Variants in PREP observed in about 807,000 individuals in gnomAD.
PREP encodes dJ355L5.1 (prolyl endopeptidase).
A neutral mutation model predicts 87.6 loss-of-function variants in PREP; 29 were observed. The ratio of observed to expected loss-of-function variants is 0.33; its 90% CI spans 0.25 to 0.45. The LOEUF is 0.45. PREP is among the 20% of genes least tolerant of loss of function. The pLI, the probability that PREP is intolerant of heterozygous loss-of-function variation, is 1.00. For synonymous variants in PREP, 337 were observed against 328.6 expected, an observed-to-expected ratio of 1.03 and a Z score of -0.28; for missense variants, 695 against 886.5, an observed-to-expected ratio of 0.78 and a Z score of 2.74.
chr6:105,279,798 T>C (rs1770038903), intron 14 of PREP, among the ~76,000 whole-genome samples: 1 of 152,186 alleles, frequency 6.6e-6, no homozygotes, highest in East Asian at 1.9e-4. Context: ...TATTTAGAAC[T>C]TTCTTTGTTT....
intron 2 of PREP, among the ~76,000 whole-genome samples, chr6:105,379,095 A>G (rs984219888): frequency 2.0e-5 from 3 of 152,258 alleles, no homozygotes; most frequent in Non-Finnish European, 4.4e-5. Flanking sequence ...CAAGAAAAAT[A>G]AAACTGTTAC....
At chr6:105,333,602 A>G (rs1007647796) in intron 7 of PREP, 97 bp from the exon 8 acceptor site, 1 of 1,214,912 alleles carries the variant, frequency 8.2e-7, no homozygotes, top group Non-Finnish European at 1.2e-6. Flanking sequence ...CTTATCCTCA[A>G]AACATAAAGC....
chr6:105,390,187 C>G (rs112258402), intron 2 of PREP, among the ~76,000 whole-genome samples: 5 of 152,186 alleles, frequency 3.3e-5, no homozygotes, highest in African/African-American at 9.6e-5. Flanking sequence ...ATTGCCATAG[C>G]CTCTTAATCA....
chr6:105,333,363 T>A lies in PREP; in HGVS notation c.966A>T (p.Glu322Asp). 6.2e-7 allele frequency: 1 copy of A among 1,614,184 alleles called. No homozygotes were observed. Among genetic ancestry groups the A allele is most frequent in the Non-Finnish European group, 8.5e-7 (1 of 1,180,020 alleles). ...RVINIDFRDP[E>D]ESKWKVLVPE... ...GAACAAGTACTTTCCACTTAGACTC[T>A]TCAGGATCCCTGAAGTCAATGTTGA... The change falls in exon 8 of 15, where the codon GAA becomes GAT. Residue 322 changes from glutamate to aspartate, a missense_variant. Glu to Asp is a conservative substitution (Grantham distance 45). This residue lies in a region of PREP where 517 missense variants were observed against 620.3 expected (regional missense o/e 0.83). Transcript: ENST00000652536.
chr6:105,396,678 G>A (rs1002304552), intron 2 of PREP, among the ~76,000 whole-genome samples: 1 of 151,564 alleles, frequency 6.6e-6, no homozygotes, highest in Non-Finnish European at 1.5e-5. Context: ...ACTACCTAGA[G>A]TGCCATTTAA....
At position 105,310,470 on chromosome 6, in the gene PREP, C is replaced by T. The variant is rs370296715; in HGVS notation, c.1317+13195G>A. 2.0e-4 allele frequency among the ~76,000 whole-genome samples: 31 copies of T among 152,288 alleles called. No homozygotes were observed. In the East Asian group the frequency reaches 4.2e-3, roughly 21 times the overall value. ...CTTATCAATATCACCAATAATCCACCTTGTCAAATCCAGTAACTCCTCTTC... is the reference window on the plus strand; with the variant it reads ...CTTATCAATATCACCAATAATCCACTTTGTCAAATCCAGTAACTCCTCTTC... On this transcript the variant is annotated intron_variant, in intron 10 of 14. Transcript: ENST00000652536.
chr6:105,302,490 C>T lies in PREP; in HGVS notation c.1318-13596G>A, dbSNP rs190772140. 2.0e-3 allele frequency: 716 copies of T among 353,212 alleles called. 18 individuals are homozygous for T. The Admixed American group carries it at 0.022, about 11-fold the overall frequency. The allele number at this position is 353,212 out of a possible 1,614,324, so 21.9% of individuals were successfully genotyped here. On this transcript the variant is annotated intron_variant, in intron 10 of 14. Coordinates refer to ENST00000652536, the MANE Select transcript of PREP (RefSeq NM_002726.5). Reference sequence around the variant, plus strand: ...TGTGTACTTCTGCAGCGGGTACGGCCGCTCCTTCCGCGGCTGCTGCTTGGT... The same window carrying T: ...TGTGTACTTCTGCAGCGGGTACGGCTGCTCCTTCCGCGGCTGCTGCTTGGT...
At chr6:105,385,666 T>G (rs1772972799) in intron 2 of PREP, among the ~76,000 whole-genome samples, 1 of 152,234 alleles carries the variant, frequency 6.6e-6, no homozygotes, top group Non-Finnish European at 1.5e-5. Context: ...TCCATATTAT[T>G]TAAATGGCTC....
rs946057941 is a variant in PREP, at chr6:105,277,981, C to T, written c.*163G>A. ...CCAAGGCCTTGCTAAAAAGGAGAAG[C>T]CTAAAAAAGATAAAATTCCCACGGC... is the stretch of plus-strand genomic sequence containing the variant. On this transcript the variant is annotated 3_prime_UTR_variant, in exon 15 of 15. Transcript: ENST00000652536. 4.0e-6 allele frequency: 4 copies of T among 1,002,930 alleles called. No individual in the cohort carries two copies. In the African/African-American group the frequency reaches 4.9e-5, roughly 12 times the overall value. The allele number at this position is 1,002,930 out of a possible 1,614,324, so 62.1% of individuals were successfully genotyped here.
intron 6 of PREP, 81 bp from the exon 7 acceptor site, chr6:105,353,158 A>T (rs1772002709): frequency 1.7e-6 from 2 of 1,162,140 alleles, no homozygotes; most frequent in South Asian, 2.8e-5. Flanking sequence ...AAGTTAAAAA[A>T]TTAAGGTTAA....
chr6:105,363,860 A>G (rs1372244706), intron 6 of PREP, among the ~76,000 whole-genome samples: 1 of 152,130 alleles, frequency 6.6e-6, no homozygotes, highest in Admixed American at 6.5e-5. Flanking sequence ...GTGGTGCAAA[A>G]GGGCAGCCAG....
chr6:105,402,862 G>A lies in PREP; in HGVS notation c.30C>T (p.Tyr10=). MLSLQYPDV[Y]RDETAVQDYH... ...AGATACTTACGGCGGTCTCGTCGCG[G>A]TACACGTCGGGGTACTGAAGGGACA... The change falls in exon 1 of 15, where the codon TAC becomes TAT. Residue 10 remains tyrosine, a synonymous_variant. Transcript: ENST00000652536. The A allele has an allele frequency of 1.9e-6, 3 of 1,545,380 alleles. No individual in the cohort carries two copies. The highest frequency in any genetic ancestry group is 1.2e-5 in the South Asian group (1 of 83,584).
rs775679233 is a variant in PREP, at chr6:105,278,481, A to T, written c.1839-43T>A. On this transcript the variant is annotated intron_variant, in intron 14 of 14. Transcript: ENST00000652536. This position sits in a 1 kb window ranked among gnomAD's most constrained non-coding sequence, Gnocchi z 4.2. Reference sequence around the variant, plus strand: ...CTTTGTGAGGCTGGAGAGCAACAGTAGAGTTTTATGGCACAGGGACCTAGG... The same window carrying T: ...CTTTGTGAGGCTGGAGAGCAACAGTTGAGTTTTATGGCACAGGGACCTAGG... The T allele has an allele frequency of 6.4e-7, 1 of 1,565,456 alleles. No individual in the cohort carries two copies. The highest frequency in any genetic ancestry group is 1.2e-5 in the South Asian group (1 of 84,906).
At chr6:105,345,239 C>G (rs1180926538) in intron 7 of PREP, among the ~76,000 whole-genome samples, 3 of 152,166 alleles carry the variant, frequency 2.0e-5, no homozygotes, top group East Asian at 3.8e-4. Context: ...TAAAAAGAAA[C>G]ATGATTTAAC....
In PREP at chr6:105,358,431, A is replaced by G. The variant is rs147490376; in HGVS notation, c.718-5354T>C. Reference sequence around the variant, plus strand: ...ATTAGAAAATATTAAAAGAGAAGAAAGTACTAACATCTGTATTGATAAATA... The same window carrying G: ...ATTAGAAAATATTAAAAGAGAAGAAGGTACTAACATCTGTATTGATAAATA... On this transcript the variant is annotated intron_variant, in intron 6 of 14. Transcript: ENST00000652536. 3.1e-3 allele frequency among the ~76,000 whole-genome samples: 465 copies of G among 152,358 alleles called. 1 individual carries two copies. Among genetic ancestry groups the G allele is most frequent in the African/African-American group, 0.01 (435 of 41,596 alleles).
At position 105,280,602 on chromosome 6, in the gene PREP, CT is replaced by C. The variant is rs35201325; in HGVS notation, c.1838+1143del. 688 of 146,728 alleles carry C rather than the reference CT, an allele frequency of 4.7e-3. 4 individuals carry two copies. Among genetic ancestry groups the C allele is most frequent in the African/African-American group, 0.013 (519 of 40,292 alleles). 9.1% of individuals were successfully genotyped at this position (146,728 alleles called of 1,614,324 possible). ...AGTTTAATTGTATTTGAATATATTC[CT>C]TTTTTTTTTTGAGACAGGGTCTTGG... On this transcript the variant is annotated intron_variant, in intron 14 of 14. Transcript: ENST00000652536.
At chr6:105,357,913 G>GTT (rs796340115) in intron 6 of PREP, among the ~76,000 whole-genome samples, 28 of 138,374 alleles carry the variant, frequency 2.0e-4, no homozygotes, top group Non-Finnish European at 2.8e-4. Context: ...CAACAATACT[G>GTT]TTTTTTTTTT....
At chr6:105,307,839 C>G (rs1770685793) in intron 10 of PREP, among the ~76,000 whole-genome samples, 2 of 152,144 alleles carry the variant, frequency 1.3e-5, no homozygotes, top group South Asian at 4.2e-4. Context: ...TCTTGAACTC[C>G]TGATCTCAGG....
intron 6 of PREP, among the ~76,000 whole-genome samples, chr6:105,359,194 G>A (rs1271567259): frequency 1.3e-5 from 2 of 152,202 alleles, no homozygotes; most frequent in African/African-American, 2.4e-5. Flanking sequence ...GGCACACACA[G>A]ATCAATAGGC....
Sources: gnomAD v4.1 joint callset for allele counts (sites outside exome capture counted in the v4.1 genomes callset) on GRCh38, gnomAD v4.1.1 for gene constraint, gnomAD v4.1.1 regional missense constraint, Gnocchi (gnomAD v3.1) non-coding constraint, MANE v1.5 for transcripts, NCBI Gene and HGNC (gene_info 2026-07-23, HGNC 2026-07-21) for gene names.